Variants in VPS54 observed in about 807,000 individuals in gnomAD.
The protein encoded by VPS54 is vacuolar protein sorting-associated protein 54.
Under a neutral mutation model 121.5 loss-of-function variants are expected in VPS54, and 45 were observed. The observed-to-expected ratio is 0.37, with a 90% CI of 0.29 to 0.47. The LOEUF is 0.47. VPS54 is among the 20% of genes least tolerant of loss of function. VPS54 has a pLI of 0.99. For synonymous variants in VPS54, 371 were observed against 385.8 expected, an observed-to-expected ratio of 0.96 and a Z score of 0.45; for missense variants, 1,090 against 1,131.4, an observed-to-expected ratio of 0.96 and a Z score of 0.52.
intron 1 of VPS54, among the ~76,000 whole-genome samples, chr2:63,993,297 G>C (rs1447187070): frequency 6.6e-6 from 1 of 152,170 alleles, no homozygotes; most frequent in Non-Finnish European, 1.5e-5. Flanking sequence ...GCACTAACTT[G>C]TTTTCTATGC....
intron 1 of VPS54, among the ~76,000 whole-genome samples, chr2:63,997,799 A>G (rs1257150409): frequency 6.6e-6 from 1 of 151,668 alleles, no homozygotes; most frequent in South Asian, 2.1e-4. Context: ...GTTTTTATTT[A>G]AAGTTTTTCT....
At chr2:63,992,749 G>C (rs1205616038) in intron 1 of VPS54, among the ~76,000 whole-genome samples, 1 of 152,226 alleles carries the variant, frequency 6.6e-6, no homozygotes, top group Non-Finnish European at 1.5e-5. Context: ...AAACCTATAG[G>C]AGCCTTCCAA....
chr2:63,928,470 G>A (rs1674022600), intron 12 of VPS54, among the ~76,000 whole-genome samples: 1 of 152,114 alleles, frequency 6.6e-6, no homozygotes, highest in African/African-American at 2.4e-5. Context: ...AGAGATTTTT[G>A]TCACCACCAG....
At chr2:63,910,863 T>G (rs2104428215) in intron 20 of VPS54, among the ~76,000 whole-genome samples, 1 of 152,344 alleles carries the variant, frequency 6.6e-6, no homozygotes, top group South Asian at 2.1e-4. Flanking sequence ...AGCACATCTT[T>G]GGTTTTTCTT....
chr2:64,015,813 CTA>C (rs1678660093), intron 1 of VPS54, among the ~76,000 whole-genome samples: 1 of 152,248 alleles, frequency 6.6e-6, no homozygotes, highest in South Asian at 2.1e-4. Context: ...AATACATTTG[CTA>C]CCCTTCCTTA....
rs1208894508 is a variant in VPS54 at position 63,965,846 on chromosome 2, G to C, written c.613C>G (p.Leu205Val). Residue 205 changes from leucine to valine, a missense_variant, in exon 6 of 23, where the codon CTT becomes GTT. Coordinates refer to ENST00000272322, the MANE Select transcript of VPS54 (RefSeq NM_016516.3). The stretch of plus-strand genomic sequence containing the variant: ...CAAAAAGAAATTACCTTTTCTTGAA[G>C]CAACTTTGAGGAAGCTGCATCACGA... The part of the protein sequence containing the change: ...GNRDAASSKL[L>V]QEKLSHYLDI... 6.2e-7 allele frequency: 1 copy of C among 1,611,356 alleles called. No individual in the cohort carries two copies. Among genetic ancestry groups the C allele is most frequent in the Non-Finnish European group, 8.5e-7 (1 of 1,179,384 alleles).
Position 63,912,664 on chromosome 2 carries a change from G to C in VPS54, c.2423-3C>G, listed in dbSNP as rs1673201726. 1.3e-6 allele frequency: 2 copies of C among 1,564,714 alleles called. No homozygotes were observed. The highest frequency in any genetic ancestry group is 4.6e-5 in the Admixed American group (2 of 43,770). On this transcript the variant is annotated splice_polypyrimidine_tract_variant and splice_region_variant and intron_variant, in intron 18 of 22. Transcript: ENST00000272322. ...CTGCAAACATCGTGAAGAAAGAGCT[G>C]AAGATCCAGGGAGTAGATATATAAT...
At chr2:63,943,707 TTTTCTTTC>T (rs36057474) in intron 10 of VPS54, among the ~76,000 whole-genome samples, 11 of 130,798 alleles carry the variant, frequency 8.4e-5, no homozygotes, top group Middle Eastern at 3.8e-3. Flanking sequence ...GGAATTTTTC[TTTTCTTTC>T]TTTCTTTCTT....
intron 1 of VPS54, among the ~76,000 whole-genome samples, chr2:64,017,209 C>A (rs775268993): frequency 1.1e-4 from 16 of 151,238 alleles, no homozygotes; most frequent in Admixed American, 4.6e-4. Context: ...GGCGTGGGGG[C>A]GCCTGTAGTC....
chr2:63,963,954 A>AT (rs896061084), intron 6 of VPS54, among the ~76,000 whole-genome samples: 1 of 152,120 alleles, frequency 6.6e-6, no homozygotes. Context: ...AGCACACTGT[A>AT]TTTTTTTCAG....
At chr2:63,958,178 TA>T (rs1675588702) in intron 7 of VPS54, among the ~76,000 whole-genome samples, 1 of 152,038 alleles carries the variant, frequency 6.6e-6, no homozygotes, top group African/African-American at 2.4e-5. Flanking sequence ...AGATTTAAAA[TA>T]AAAACACAAA....
rs577877748 is a variant in VPS54 at position 63,895,010 on chromosome 2, T to C, written c.2829-1475A>G. On this transcript the variant is annotated intron_variant, in intron 22 of 22. Transcript: ENST00000272322. ...TTAGCTTCATCTGGAATGCAATTTTTTGAATACCATTTTAAAAATACAATA... is the reference window on the plus strand; with the variant it reads ...TTAGCTTCATCTGGAATGCAATTTTCTGAATACCATTTTAAAAATACAATA... Among the ~76,000 whole-genome samples, 26 of 152,306 alleles carry C rather than the reference T, an allele frequency of 1.7e-4. No homozygotes were observed. In the South Asian group the frequency reaches 5.2e-3, roughly 30 times the overall value.
At chr2:63,893,614 C>T in intron 22 of VPS54, 79 bp from the exon 23 acceptor site, 1 of 1,238,714 alleles carries the variant, frequency 8.1e-7, no homozygotes, top group Non-Finnish European at 1.1e-6. Flanking sequence ...CTCACCGAGT[C>T]AGAGTCCTAT....
chr2:63,950,068 T>G (rs1675167889), intron 7 of VPS54, among the ~76,000 whole-genome samples: 1 of 152,234 alleles, frequency 6.6e-6, no homozygotes, highest in Non-Finnish European at 1.5e-5. Flanking sequence ...ACCTATTAGC[T>G]GTTGAATTTC....
At chr2:64,018,355 C>A (rs1464138936) in intron 1 of VPS54, among the ~76,000 whole-genome samples, 4 of 152,116 alleles carry the variant, frequency 2.6e-5, no homozygotes, top group Non-Finnish European at 4.4e-5. Flanking sequence ...AGCCAAAGTT[C>A]CCAAGTCAAC....
rs1203971670 is a variant in VPS54 at position 63,892,820 on chromosome 2, T to C, written c.*610A>G. The stretch of plus-strand genomic sequence containing the variant: ...AAGGCTTTACCCAGTTGACATACGG[T>C]GGTAGTAGAAATATTAAATATGCAA... On this transcript the variant is annotated 3_prime_UTR_variant, in exon 23 of 23. Transcript: ENST00000272322. The C allele has an allele frequency of 6.6e-6, 1 of 152,430 alleles. No homozygotes were observed. The highest frequency in any genetic ancestry group is 1.5e-5 in the Non-Finnish European group (1 of 68,196). The allele number at this position is 152,430 out of a possible 1,614,324, so 9.4% of individuals were successfully genotyped here. A position where few individuals can be genotyped will look rare whatever the true frequency, so the allele number is the denominator to read the frequency against.
intron 11 of VPS54, among the ~76,000 whole-genome samples, chr2:63,940,764 T>C (rs1674687150): frequency 6.6e-6 from 1 of 152,232 alleles, no homozygotes; most frequent in Non-Finnish European, 1.5e-5. Flanking sequence ...AATTCTACAC[T>C]ATGCAATGTA....
Position 63,967,942 on chromosome 2 carries a change from C to G in VPS54, c.492+1015G>C, listed in dbSNP as rs751702802. Among the ~76,000 whole-genome samples, 3 of 151,712 alleles carry G rather than the reference C, an allele frequency of 2.0e-5. No individual in the cohort carries two copies. The East Asian group carries it at 5.8e-4, about 29-fold the overall frequency. On this transcript the variant is annotated intron_variant, in intron 5 of 22. Transcript: ENST00000272322. ...AGATGAGGGAAAAGTCTTCCAGGAT[C>G]AAGAAACAGTGTAAGTAAAGCACAG...
intron 22 of VPS54, among the ~76,000 whole-genome samples, chr2:63,894,322 A>G (rs1329283264): frequency 6.6e-6 from 1 of 152,232 alleles, no homozygotes; most frequent in African/African-American, 2.4e-5. Flanking sequence ...TTAGACATGT[A>G]TAAAGATCTT....
Sources: gnomAD v4.1 joint callset for allele counts (sites outside exome capture counted in the v4.1 genomes callset) on GRCh38, gnomAD v4.1.1 for gene constraint, MANE v1.5 for transcripts, NCBI Gene and HGNC (gene_info 2026-07-23, HGNC 2026-07-21) for gene names.